CDH7: variants seen among roughly 807,000 people sequenced by gnomAD.
CDH7 encodes the protein cadherin-7.
Under a neutral mutation model 71.8 loss-of-function variants are expected in CDH7, and 25 were observed. The observed-to-expected ratio is 0.35, with a 90% CI of 0.25 to 0.49. CDH7 has a LOEUF of 0.49. CDH7 is among the 20% of genes least tolerant of loss of function. CDH7 has a pLI of 0.99. For missense variants in CDH7, 862 were observed against 974.6 expected (o/e 0.88, Z 1.54); for synonymous variants, 381 against 363.8 (o/e 1.05, Z -0.54).
At chr18:65,840,519 A>G (rs1022339876) in intron 6 of CDH7, among the ~76,000 whole-genome samples, 2 of 151,988 alleles carry the variant, frequency 1.3e-5, no homozygotes, top group African/African-American at 2.4e-5. Flanking sequence ...CATGATTTCC[A>G]TGTGTTGTGG....
At chr18:65,782,497 C>A (rs560765709) in intron 2 of CDH7, among the ~76,000 whole-genome samples, 1 of 151,994 alleles carries the variant, frequency 6.6e-6, no homozygotes, top group Non-Finnish European at 1.5e-5. Context: ...GTGGGGTTTA[C>A]AAGTATATTA....
At chr18:65,828,818 C>T (rs537807893) in intron 6 of CDH7, among the ~76,000 whole-genome samples, 1 of 152,156 alleles carries the variant, frequency 6.6e-6, no homozygotes, top group Non-Finnish European at 1.5e-5. Context: ...TTATGTGTAG[C>T]TTCTCTGCCT....
chr18:65,814,878 C>A (rs1911669740), intron 4 of CDH7, among the ~76,000 whole-genome samples: 1 of 152,056 alleles, frequency 6.6e-6, no homozygotes, highest in Non-Finnish European at 1.5e-5. Flanking sequence ...AATTTCGATT[C>A]TTTACCTCAG....
At chr18:65,756,724 T>G (rs535222998) in intron 1 of CDH7, among the ~76,000 whole-genome samples, 7 of 152,372 alleles carry the variant, frequency 4.6e-5, no homozygotes, top group African/African-American at 1.7e-4. Context: ...AACAAACACA[T>G]TCCAGTTCAA....
At chr18:65,829,707 C>T (rs1912267001) in intron 6 of CDH7, among the ~76,000 whole-genome samples, 1 of 150,550 alleles carries the variant, frequency 6.6e-6, no homozygotes, top group South Asian at 2.1e-4. Context: ...TCCTATTTTT[C>T]CTTTAAACAA....
chr18:65,827,506 C>T (rs989968390), intron 6 of CDH7, among the ~76,000 whole-genome samples: 1 of 151,764 alleles, frequency 6.6e-6, no homozygotes, highest in Non-Finnish European at 1.5e-5. Flanking sequence ...TTTAAATACA[C>T]CAGTAGACAG....
upstream of CDH7, chr18:65,750,316 A>C (rs1915826865): frequency 6.6e-6 from 1 of 151,728 alleles, no homozygotes; most frequent in Non-Finnish European, 1.5e-5. Context: ...AGTTCTGATT[A>C]GTTTTATGAC....
Position 65,884,180 on chromosome 18 carries a change from A to G in CDH7, c.*3286A>G, listed in dbSNP as rs372891214. On this transcript the variant is annotated 3_prime_UTR_variant, in exon 12 of 12. Transcript: ENST00000397968. ...ATCAACATAAAAATATAAAAATCAA[A>G]TCTTAAGGAAATGGATTTCTGGAGA... is the stretch of plus-strand genomic sequence containing the variant. 2.6e-5 allele frequency: 4 copies of G among 152,268 alleles called. No individual in the cohort carries two copies. The South Asian group carries it at 8.3e-4, about 32-fold the overall frequency. The allele number at this position is 152,268 out of a possible 1,614,324, so 9.4% of individuals were successfully genotyped here. A position where few individuals can be genotyped will look rare whatever the true frequency, so the allele number is the denominator to read the frequency against.
At chr18:65,759,872 T>A (rs1418647677) in intron 1 of CDH7, among the ~76,000 whole-genome samples, 1 of 152,154 alleles carries the variant, frequency 6.6e-6, no homozygotes, top group Non-Finnish European at 1.5e-5. Context: ...GATATTTGTG[T>A]TTGATTTCTA....
chr18:65,777,876 T>C (rs986682104), intron 2 of CDH7, among the ~76,000 whole-genome samples: 1 of 152,166 alleles, frequency 6.6e-6, no homozygotes, highest in African/African-American at 2.4e-5. Flanking sequence ...TTAGCAATTT[T>C]GGTCTGTATT....
intron 7 of CDH7, among the ~76,000 whole-genome samples, chr18:65,847,980 T>C (rs1912993414): frequency 1.3e-5 from 2 of 152,114 alleles, no homozygotes; most frequent in Admixed American, 1.3e-4. Flanking sequence ...AACGATTTTT[T>C]TTTTTAAAGA....
rs1343373375 is a variant in CDH7, at chr18:65,817,225, A to G, written c.625+2621A>G. ...TATAACTACGTGGTGGCTGCATTAT[A>G]TGTTGTATGCATACCTATTACATCA... On this transcript the variant is annotated intron_variant, in intron 4 of 11. Coordinates refer to ENST00000397968, the MANE Select transcript of CDH7 (RefSeq NM_004361.5). Among the ~76,000 whole-genome samples, 6 of 152,310 alleles carry G rather than the reference A, an allele frequency of 3.9e-5. No homozygotes were observed. The East Asian group carries it at 7.7e-4, about 20-fold the overall frequency.
intron 6 of CDH7, among the ~76,000 whole-genome samples, chr18:65,839,564 A>G (rs868784615): frequency 1.3e-5 from 2 of 152,206 alleles, no homozygotes; most frequent in South Asian, 4.1e-4. Flanking sequence ...AATGCAAAAG[A>G]AACACTAATC....
intron 2 of CDH7, among the ~76,000 whole-genome samples, chr18:65,796,435 T>C (rs1315140213): frequency 6.6e-6 from 1 of 152,142 alleles, no homozygotes; most frequent in Non-Finnish European, 1.5e-5. Flanking sequence ...AAGGCAACAT[T>C]ACACACCCAG....
At chr18:65,874,407 A>C (rs550113973) in intron 11 of CDH7, among the ~76,000 whole-genome samples, 4 of 152,296 alleles carry the variant, frequency 2.6e-5, no homozygotes, top group Admixed American at 2.6e-4. Flanking sequence ...TCTCTTTAAT[A>C]TAAGTAGCCT....
At chr18:65,859,858 G>T in intron 10 of CDH7, 33 bp downstream of exon 10, 1 of 1,212,212 alleles carries the variant, frequency 8.2e-7, no homozygotes, top group East Asian at 2.3e-5. Context: ...GATAGAGGCA[G>T]CAGGTACAGA....
chr18:65,761,209 A>G (rs2187161), intron 1 of CDH7, among the ~76,000 whole-genome samples: 52,146 of 151,990 alleles, frequency 0.34, 9,216 homozygotes, highest in Middle Eastern at 0.48. Flanking sequence ...AACTTTATAG[A>G]TATATATTTT....
intron 2 of CDH7, among the ~76,000 whole-genome samples, chr18:65,784,942 T>G (rs946258005): frequency 6.6e-6 from 1 of 152,212 alleles, no homozygotes; most frequent in Admixed American, 6.5e-5. Flanking sequence ...TAAAACTCCC[T>G]TCCAGAGGAA....
intron 4 of CDH7, among the ~76,000 whole-genome samples, chr18:65,815,118 G>GTTT (rs1911678673): frequency 6.6e-6 from 1 of 152,096 alleles, no homozygotes; most frequent in African/African-American, 2.4e-5. Flanking sequence ...TAATTTGGGG[G>GTTT]AACAATTTTT....
Sources: gnomAD v4.1 joint callset for allele counts (sites outside exome capture counted in the v4.1 genomes callset) on GRCh38, gnomAD v4.1.1 for gene constraint, MANE v1.5 for transcripts, NCBI Gene and HGNC (gene_info 2026-07-23, HGNC 2026-07-21) for gene names.